CADPS: variants seen among roughly 807,000 people sequenced by gnomAD.
The protein encoded by CADPS is calcium-dependent secretion activator 1.
CADPS carries 57 observed loss-of-function variants against 167.3 expected under a neutral mutation model. The observed-to-expected ratio is 0.34, with a 90% CI of 0.28 to 0.42. The LOEUF is 0.42. Ranked by LOEUF, CADPS falls within the 20% of genes least tolerant of loss-of-function variation. The pLI, the probability that CADPS is intolerant of heterozygous loss-of-function variation, is 1.00. For missense variants in CADPS, 1,414 were observed against 1,738.1 expected (o/e 0.81, Z 3.32); for synonymous variants, 676 against 635.3 (o/e 1.06, Z -0.96).
chr3:62,649,471 T>C (rs2069444324), intron 5 of CADPS, among the ~76,000 whole-genome samples: 1 of 149,616 alleles, frequency 6.7e-6, no homozygotes, highest in Admixed American at 6.7e-5. Context: ...CCAGGGAACA[T>C]TAATCCACTT....
intron 3 of CADPS, among the ~76,000 whole-genome samples, chr3:62,677,522 A>T (rs778084782): frequency 6.6e-6 from 1 of 152,078 alleles, no homozygotes; most frequent in Non-Finnish European, 1.5e-5. Context: ...TGCCACTGCC[A>T]ATAGTGGGTA....
intron 3 of CADPS, 64 bp from the exon 4 acceptor site, chr3:62,662,458 A>G: frequency 1.5e-6 from 2 of 1,344,838 alleles, no homozygotes; most frequent in Admixed American, 3.4e-5. Flanking sequence ...AACTCAGGAC[A>G]TTCCATTTTA....
rs79284116 is a variant in CADPS, at chr3:62,818,314, A to G, written c.442-52330T>C. 7.5e-3 allele frequency among the ~76,000 whole-genome samples: 1,149 copies of G among 152,270 alleles called. 17 individuals carry two copies. The highest frequency in any genetic ancestry group is 0.026 in the African/African-American group (1,064 of 41,560). On this transcript the variant is annotated intron_variant, in intron 1 of 29. Coordinates refer to ENST00000383710, the MANE Select transcript of CADPS (RefSeq NM_003716.4). ...GTATCAAAATCTCAGGGGAGGCAAA[A>G]TCAGGGACAGCGTTCCTACAACTCA...
chr3:62,485,896 T>G (rs1052374172), intron 21 of CADPS, among the ~76,000 whole-genome samples: 1 of 152,022 alleles, frequency 6.6e-6, no homozygotes, highest in African/African-American at 2.4e-5. Context: ...CTCAGGGAGG[T>G]GAACTGAGGG....
At chr3:62,625,505 G>C (rs1171396472) in intron 6 of CADPS, 1 of 150,650 alleles carries the variant, frequency 6.6e-6, no homozygotes, top group Non-Finnish European at 1.5e-5. Flanking sequence ...TCTGTCCCCA[G>C]TGTTTATCCT....
intron 1 of CADPS, among the ~76,000 whole-genome samples, chr3:62,815,727 G>A (rs2094581798): frequency 6.6e-6 from 1 of 151,844 alleles, no homozygotes; most frequent in Non-Finnish European, 1.5e-5. Flanking sequence ...CAACTGATAG[G>A]GCTTTTAAGT....
At chr3:62,434,386 T>C (rs1366356229) in intron 28 of CADPS, among the ~76,000 whole-genome samples, 1 of 152,144 alleles carries the variant, frequency 6.6e-6, no homozygotes, top group Non-Finnish European at 1.5e-5. Context: ...TTTTCTTAGG[T>C]GCGTTATCAA....
intron 27 of CADPS, 119 bp downstream of exon 27, chr3:62,445,646 G>T: frequency 1.6e-6 from 1 of 628,582 alleles, no homozygotes; most frequent in Non-Finnish European, 2.5e-6. Context: ...GCAACACACA[G>T]TTTAGCTAGC....
At chr3:62,709,838 C>G (rs567534535) in intron 3 of CADPS, among the ~76,000 whole-genome samples, 6 of 151,894 alleles carry the variant, frequency 4.0e-5, no homozygotes, top group African/African-American at 1.5e-4. Flanking sequence ...GGTGTAATCT[C>G]GGCTCACTGC....
At chr3:62,761,375 C>T (rs1276077486) in intron 2 of CADPS, among the ~76,000 whole-genome samples, 2 of 151,812 alleles carry the variant, frequency 1.3e-5, no homozygotes, top group African/African-American at 4.8e-5. Flanking sequence ...AAAACCAAAA[C>T]AATACAAACA....
intron 3 of CADPS, among the ~76,000 whole-genome samples, chr3:62,663,659 T>C (rs1041645490): frequency 1.7e-4 from 25 of 147,576 alleles, no homozygotes; most frequent in African/African-American, 2.5e-5. Flanking sequence ...TGAAATGATA[T>C]AGCAAATAAG....
At chr3:62,717,184 G>A (rs929138746) in intron 3 of CADPS, among the ~76,000 whole-genome samples, 2 of 152,054 alleles carry the variant, frequency 1.3e-5, no homozygotes, top group Non-Finnish European at 2.9e-5. Context: ...ACAAAGAGTT[G>A]GATTACTAGC....
In CADPS at chr3:62,684,335, T is replaced by G. The variant is rs536879022; in HGVS notation, c.889-21941A>C. Among the ~76,000 whole-genome samples, 3 of 152,170 alleles carry G rather than the reference T, an allele frequency of 2.0e-5. No individual in the cohort carries two copies. The South Asian group carries it at 6.2e-4, about 31-fold the overall frequency. On this transcript the variant is annotated intron_variant, in intron 3 of 29. Transcript: ENST00000383710. ...AGTTCCCCTTGACATATGTCCATCA[T>G]TTGGGGGGATTTTTTGGAGCACTTT...
chr3:62,471,417 G>C (rs2060599718), intron 24 of CADPS, among the ~76,000 whole-genome samples: 1 of 152,060 alleles, frequency 6.6e-6, no homozygotes, highest in African/African-American at 2.4e-5. Context: ...ATATATGAAA[G>C]TATTTTTTTC....
intron 7 of CADPS, 124 bp from the exon 8 acceptor site, chr3:62,585,448 G>T: frequency 1.1e-6 from 1 of 920,734 alleles, no homozygotes; most frequent in Non-Finnish European, 1.6e-6. Flanking sequence ...AGCCATACCT[G>T]GGGATAGAAA....
chr3:62,588,541 A>G (rs960300515), intron 7 of CADPS, among the ~76,000 whole-genome samples: 4 of 152,116 alleles, frequency 2.6e-5, no homozygotes, highest in African/African-American at 9.7e-5. Flanking sequence ...CAATTGGTGC[A>G]TGCACTTTAG....
Position 62,874,545 on chromosome 3 carries a change from G to A in CADPS, c.441+44C>T. The stretch of plus-strand genomic sequence containing the variant: ...TCCCATTGTTCACCCCGCCCGCCTG[G>A]CGACGTCCGGGTGCTGCTCCCTGGG... On this transcript the variant is annotated intron_variant, in intron 1 of 29. Coordinates refer to ENST00000383710, the MANE Select transcript of CADPS (RefSeq NM_003716.4). The surrounding 1 kb of genome is among the most constrained non-coding windows in gnomAD (Gnocchi z 7.1). The A allele has an allele frequency of 6.9e-7, 1 of 1,448,228 alleles. No homozygotes were observed. The highest frequency in any genetic ancestry group is 9.4e-7 in the Non-Finnish European group (1 of 1,060,710). 89.7% of individuals were successfully genotyped at this position (1,448,228 alleles called of 1,614,324 possible).
At chr3:62,459,792 G>A (rs1197679987) in intron 26 of CADPS, among the ~76,000 whole-genome samples, 1 of 152,208 alleles carries the variant, frequency 6.6e-6, no homozygotes, top group Non-Finnish European at 1.5e-5. Flanking sequence ...CTAGCACATA[G>A]TAGGCACTCC....
chr3:62,779,399 C>A lies in CADPS; in HGVS notation c.442-13415G>T, dbSNP rs1420565332. On this transcript the variant is annotated intron_variant, in intron 1 of 29. Transcript: ENST00000383710. ...TTGGGAGACACTTTCAGGAGAGCTG[C>A]CTTTTGAAGCTTCTTAATTTCATTC... 1.7e-5 allele frequency: 8 copies of A among 464,110 alleles called. No individual in the cohort carries two copies. The Admixed American group carries it at 1.9e-4, about 11-fold the overall frequency. 28.7% of individuals were successfully genotyped at this position (464,110 alleles called of 1,614,324 possible).
Sources: allele counts gnomAD v4.1 joint callset (sites outside exome capture counted in the v4.1 genomes callset), GRCh38; gene constraint gnomAD v4.1.1; non-coding constraint Gnocchi (gnomAD v3.1); transcripts MANE v1.5; gene names NCBI Gene and HGNC (gene_info 2026-07-23, HGNC 2026-07-21).